FTO: variants seen among roughly 807,000 people sequenced by gnomAD.
FTO encodes FTO alpha-ketoglutarate dependent dioxygenase.
In FTO, 47 loss-of-function variants were observed where a neutral mutation model predicts 63.9. The observed-to-expected ratio is 0.74, with a 90% CI of 0.58 to 0.94. The LOEUF is 0.94. Ranked by LOEUF, FTO falls within the 40% of genes least tolerant of loss-of-function variation. The pLI is 0.00. For missense variants in FTO, 562 were observed against 618.1 expected, an observed-to-expected ratio of 0.91 and a Z score of 0.96; for synonymous variants, 207 against 224.4, an observed-to-expected ratio of 0.92 and a Z score of 0.69.
chr16:53,971,071 C>G (rs529091180), intron 8 of FTO, among the ~76,000 whole-genome samples: 18 of 152,178 alleles, frequency 1.2e-4, no homozygotes, highest in African/African-American at 2.9e-4. Flanking sequence ...ATCATAGGAG[C>G]CTGTGATTTT....
rs550527751 is a variant in FTO, at chr16:54,117,341, T to A, written c.*5426T>A. 24 of 152,338 alleles carry A rather than the reference T, an allele frequency of 1.6e-4. No individual in the cohort carries two copies. Among genetic ancestry groups the A allele is most frequent in the African/African-American group, 5.8e-4 (24 of 41,574 alleles). 9.4% of individuals were successfully genotyped at this position (152,338 alleles called of 1,614,324 possible). Reference sequence around the variant, plus strand: ...TAACCAAGTTTCCTGTGGTAACAGTTGTAGCTTTGTGACTGGGCCAAATCA... The same window carrying A: ...TAACCAAGTTTCCTGTGGTAACAGTAGTAGCTTTGTGACTGGGCCAAATCA... On this transcript the variant is annotated 3_prime_UTR_variant, in exon 9 of 9. Coordinates refer to ENST00000471389, the MANE Select transcript of FTO (RefSeq NM_001080432.3).
chr16:53,924,712 T>C (rs749355412), intron 7 of FTO, among the ~76,000 whole-genome samples: 2 of 152,140 alleles, frequency 1.3e-5, no homozygotes, highest in Non-Finnish European at 2.9e-5. Flanking sequence ...TCATCCAGGA[T>C]GCGTTTTCTC....
At chr16:53,902,578 T>G (rs2081430054) in intron 7 of FTO, among the ~76,000 whole-genome samples, 1 of 152,178 alleles carries the variant, frequency 6.6e-6, no homozygotes, top group African/African-American at 2.4e-5. Flanking sequence ...AAAATGAGGC[T>G]CTCTGGTGTT....
chr16:53,708,972 T>C (rs2075699328), intron 1 of FTO, among the ~76,000 whole-genome samples: 1 of 152,242 alleles, frequency 6.6e-6, no homozygotes, highest in Non-Finnish European at 1.5e-5. Flanking sequence ...TTCATCTAGG[T>C]TACTTAATAG....
intron 8 of FTO, among the ~76,000 whole-genome samples, chr16:54,011,750 A>G (rs1469785284): frequency 1.3e-5 from 2 of 152,200 alleles, no homozygotes; most frequent in Admixed American, 6.5e-5. Flanking sequence ...AAAATTTGTT[A>G]TTATTATACC....
chr16:54,019,895 G>A (rs2084548002), intron 8 of FTO, among the ~76,000 whole-genome samples: 1 of 152,168 alleles, frequency 6.6e-6, no homozygotes, highest in African/African-American at 2.4e-5. Flanking sequence ...GATCAGAAAA[G>A]AAGGTGGCTG....
chr16:53,787,615 T>C (rs1298641251), intron 1 of FTO, among the ~76,000 whole-genome samples: 1 of 152,236 alleles, frequency 6.6e-6, no homozygotes, highest in African/African-American at 2.4e-5. Context: ...CCTTTTACGC[T>C]GACTCATACA....
At chr16:53,751,187 C>T (rs1180601085) in intron 1 of FTO, among the ~76,000 whole-genome samples, 1 of 151,564 alleles carries the variant, frequency 6.6e-6, no homozygotes, top group Non-Finnish European at 1.5e-5. Context: ...GGCGAGAGAT[C>T]ACTTGAGCTC....
chr16:53,956,491 A>G (rs2082933242), intron 8 of FTO, among the ~76,000 whole-genome samples: 1 of 152,120 alleles, frequency 6.6e-6, no homozygotes, highest in Non-Finnish European at 1.5e-5. Flanking sequence ...TGGAAGAAGT[A>G]GGTACTTCTT....
intron 7 of FTO, among the ~76,000 whole-genome samples, chr16:53,913,537 G>T (rs562892998): frequency 1.3e-5 from 2 of 152,306 alleles, no homozygotes; most frequent in South Asian, 4.1e-4. Context: ...AAGTGTATTT[G>T]ACAAGCAAAA....
intron 8 of FTO, among the ~76,000 whole-genome samples, chr16:53,940,130 A>G (rs956954130): frequency 4.6e-5 from 7 of 151,264 alleles, no homozygotes; most frequent in African/African-American, 1.5e-4. Flanking sequence ...AAAGTTTCCC[A>G]TTTTTCTATG....
At chr16:53,713,584 A>G (rs2075826177) in intron 1 of FTO, among the ~76,000 whole-genome samples, 1 of 152,238 alleles carries the variant, frequency 6.6e-6, no homozygotes, top group East Asian at 1.9e-4. Flanking sequence ...GGATTAGAAC[A>G]GGTTCAAGAG....
At position 53,761,794 on chromosome 16, in the gene FTO, T is replaced by A. The variant is rs1312010505; in HGVS notation, c.46-48346T>A. 2.0e-5 allele frequency among the ~76,000 whole-genome samples: 3 copies of A among 152,204 alleles called. No homozygotes were observed. In the East Asian group the frequency reaches 5.8e-4, roughly 29 times the overall value. Reference sequence around the variant, plus strand: ...TCTCTGTGAACCTAGGGAGATATCTTAGTCTGCTCATTGATTACCTTACGG... The same window carrying A: ...TCTCTGTGAACCTAGGGAGATATCTAAGTCTGCTCATTGATTACCTTACGG... On this transcript the variant is annotated intron_variant, in intron 1 of 8. Coordinates refer to ENST00000471389, the MANE Select transcript of FTO (RefSeq NM_001080432.3).
At chr16:53,765,411 T>G (rs543973330) in intron 1 of FTO, among the ~76,000 whole-genome samples, 2 of 151,380 alleles carry the variant, frequency 1.3e-5, no homozygotes, top group South Asian at 4.2e-4. Flanking sequence ...AAAAATTAGC[T>G]GGGGGTGGTG....
chr16:53,913,441 G>A (rs1166243817), intron 7 of FTO, among the ~76,000 whole-genome samples: 2 of 152,194 alleles, frequency 1.3e-5, no homozygotes, highest in East Asian at 1.9e-4. Context: ...GCATGAAACT[G>A]TTCCCACTAG....
rs182550776 is a variant in FTO, at chr16:53,976,445, T to C, written c.1364+42336T>C. Among the ~76,000 whole-genome samples, 18 of 145,890 alleles carry C rather than the reference T, an allele frequency of 1.2e-4. No homozygotes were observed. In the Admixed American group the frequency reaches 1.3e-3, roughly 10 times the overall value. ...TTATCATATACTAAATTTGCAGAAA[T>C]TTATGTGTCAGGTTTTTTTTTGCCT... is the stretch of plus-strand genomic sequence containing the variant. On this transcript the variant is annotated intron_variant, in intron 8 of 8. Coordinates refer to ENST00000471389, the MANE Select transcript of FTO (RefSeq NM_001080432.3).
intron 8 of FTO, chr16:53,937,690 C>G (rs2082422962): frequency 6.5e-6 from 1 of 154,784 alleles, no homozygotes; most frequent in African/African-American, 2.4e-5. Flanking sequence ...ATCTTTTCTC[C>G]CCCTCTTTCC....
chr16:53,986,755 C>T (rs912166108), intron 8 of FTO, among the ~76,000 whole-genome samples: 31 of 152,116 alleles, frequency 2.0e-4, no homozygotes, highest in Admixed American at 2.6e-4. Context: ...TTCTTCCATG[C>T]GTCTAGGCTG....
intron 3 of FTO, among the ~76,000 whole-genome samples, chr16:53,842,785 C>G (rs1251531883): frequency 6.6e-6 from 1 of 152,146 alleles, no homozygotes; most frequent in Non-Finnish European, 1.5e-5. Context: ...GCAATCCTCC[C>G]ACCTCAGCCT....
Sources: gnomAD v4.1 joint callset for allele counts (sites outside exome capture counted in the v4.1 genomes callset) on GRCh38, gnomAD v4.1.1 for gene constraint, MANE v1.5 for transcripts, NCBI Gene and HGNC (gene_info 2026-07-23, HGNC 2026-07-21) for gene names.